Variants in MAP4 observed in about 807,000 individuals in gnomAD.
The protein encoded by MAP4 is microtubule-associated protein 4.
MAP4 carries 76 observed loss-of-function variants against 170.2 expected under a neutral mutation model. The ratio of observed to expected loss-of-function variants is 0.45; its 90% CI spans 0.37 to 0.54. The LOEUF (loss-of-function observed/expected upper bound fraction) is 0.54. Among genes scored for constraint, MAP4 ranks in the 20% least tolerant of loss-of-function variants. The pLI is 0.00. For synonymous variants in MAP4, 909 were observed against 994.5 expected, an observed-to-expected ratio of 0.91 and a Z score of 1.62; for missense variants, 2,506 against 2,748.0, an observed-to-expected ratio of 0.91 and a Z score of 1.97.
At chr3:48,052,392 T>G (rs1260572550) in intron 1 of MAP4, among the ~76,000 whole-genome samples, 1 of 152,180 alleles carries the variant, frequency 6.6e-6, no homozygotes, top group African/African-American at 2.4e-5. Context: ...AGCTAACTTT[T>G]TGTATTCTTA....
intron 10 of MAP4, among the ~76,000 whole-genome samples, chr3:47,885,790 G>A (rs866913400): frequency 1.3e-4 from 19 of 150,020 alleles, no homozygotes; most frequent in African/African-American, 4.4e-4. Flanking sequence ...GTGCAGTGGC[G>A]CCATCTCGGC....
chr3:48,038,351 A>G, intron 1 of MAP4, among the ~76,000 whole-genome samples: 1 of 151,968 alleles, frequency 6.6e-6, no homozygotes, highest in East Asian at 1.9e-4. Flanking sequence ...ATCACCATCC[A>G]TGGCAAAAAA....
chr3:48,032,985 C>T (rs983258564), intron 1 of MAP4, among the ~76,000 whole-genome samples: 1 of 152,170 alleles, frequency 6.6e-6, no homozygotes. Context: ...AACAAAGTAA[C>T]TTGGTGATGT....
intron 2 of MAP4, among the ~76,000 whole-genome samples, chr3:47,985,008 G>T (rs747831925): frequency 6.6e-6 from 1 of 151,656 alleles, no homozygotes; most frequent in African/African-American, 2.4e-5. Context: ...TAGGCTGGGG[G>T]GTGGCTCATG....
chr3:47,941,742 G>A (rs139867707), intron 3 of MAP4, among the ~76,000 whole-genome samples: 209 of 147,926 alleles, frequency 1.4e-3, no homozygotes, highest in Non-Finnish European at 2.5e-3. Context: ...AGCTGAGATC[G>A]TGCCATTGCA....
intron 16 of MAP4, among the ~76,000 whole-genome samples, chr3:47,867,676 C>T (rs1361715527): frequency 1.3e-5 from 2 of 152,232 alleles, no homozygotes; most frequent in Admixed American, 6.5e-5. Context: ...ACAGCCCTAC[C>T]TCCTTGCTCT....
At position 47,855,275 on chromosome 3, in the gene MAP4, G is replaced by C; in HGVS notation, c.6669C>G (p.Gly2223=). ...QAKVGSLDNV[G]HLPAGGAVKT... ...TCACAGCACCTCCTGCAGGTAGGTG[G>C]CCCACATTATCGAGGGATCCCACCT... Residue 2223 remains glycine, a synonymous_variant, in exon 19 of 21, where the codon GGC becomes GGG. Transcript: ENST00000683076. The surrounding 1 kb of genome is among the most constrained non-coding windows in gnomAD (Gnocchi z 5.1). The C allele has an allele frequency of 6.2e-7, 1 of 1,613,952 alleles. No individual in the cohort carries two copies. The highest frequency in any genetic ancestry group is 1.1e-5 in the South Asian group (1 of 91,084).
At chr3:48,073,850 T>A (rs958152863) in intron 1 of MAP4, among the ~76,000 whole-genome samples, 1 of 152,294 alleles carries the variant, frequency 6.6e-6, no homozygotes, top group African/African-American at 2.4e-5. Context: ...TCTTTTACAC[T>A]GTTGGTGGGA....
intron 1 of MAP4, among the ~76,000 whole-genome samples, chr3:48,075,757 C>T (rs187567144): frequency 1.3e-4 from 20 of 150,490 alleles, no homozygotes; most frequent in African/African-American, 4.4e-4. Context: ...GTGAATCACC[C>T]GAGGTCAGGA....
chr3:48,019,040 T>C (rs2100109243), upstream of MAP4, among the ~76,000 whole-genome samples: 1 of 152,190 alleles, frequency 6.6e-6, no homozygotes, highest in Admixed American at 6.6e-5. Flanking sequence ...ATATTCAAGA[T>C]GGTCGACCAG....
At chr3:48,063,984 C>G (rs2100137184) in intron 1 of MAP4, among the ~76,000 whole-genome samples, 1 of 152,156 alleles carries the variant, frequency 6.6e-6, no homozygotes, top group South Asian at 2.1e-4. Context: ...ATCTAACCAA[C>G]TCCATCCTGC....
At chr3:48,070,646 G>C (rs2100140467) in intron 1 of MAP4, among the ~76,000 whole-genome samples, 2 of 151,620 alleles carry the variant, frequency 1.3e-5, no homozygotes, top group African/African-American at 4.8e-5. Flanking sequence ...TGTAGAACAG[G>C]TTGGAAGTGT....
chr3:47,990,012 A>C (rs558119195), intron 2 of MAP4, among the ~76,000 whole-genome samples: 1 of 152,300 alleles, frequency 6.6e-6, no homozygotes, highest in Non-Finnish European at 1.5e-5. Flanking sequence ...ACAGCAGGCA[A>C]ATCAGCTTGG....
intron 3 of MAP4, among the ~76,000 whole-genome samples, chr3:47,930,002 T>A (rs2100048526): frequency 6.6e-6 from 1 of 152,058 alleles, no homozygotes; most frequent in African/African-American, 2.4e-5. Context: ...TGGTGGCCTG[T>A]GCCTGCAGTC....
At chr3:48,036,856 T>C (rs1235928075) in intron 1 of MAP4, among the ~76,000 whole-genome samples, 1 of 152,228 alleles carries the variant, frequency 6.6e-6, no homozygotes, top group Admixed American at 6.5e-5. Flanking sequence ...TCTGACTTTC[T>C]AATGGTGAAT....
intron 1 of MAP4, among the ~76,000 whole-genome samples, chr3:48,074,676 T>TTGTGTGTGTG (rs555691222): frequency 0.016 from 1,417 of 90,522 alleles, 55 homozygotes; most frequent in African/African-American, 0.038. Flanking sequence ...ATCCAGCTAA[T>TTGTGTGTGTG]TGTGTGTGTG....
chr3:48,045,466 G>A (rs747002172), intron 1 of MAP4, among the ~76,000 whole-genome samples: 57 of 151,956 alleles, frequency 3.8e-4, no homozygotes, highest in East Asian at 9.6e-4. Flanking sequence ...CTGTGCATGC[G>A]AGGGCTCTAG....
chr3:47,880,903 T>C (rs1011248676), intron 10 of MAP4, among the ~76,000 whole-genome samples: 4 of 152,240 alleles, frequency 2.6e-5, no homozygotes, highest in African/African-American at 7.2e-5. Context: ...ATTTTGTTGT[T>C]TGATGGCACT....
chr3:47,868,738 G>A (rs1375443903), intron 16 of MAP4, among the ~76,000 whole-genome samples: 1 of 152,124 alleles, frequency 6.6e-6, no homozygotes, highest in Non-Finnish European at 1.5e-5. Flanking sequence ...GAGGTGACCC[G>A]GGGAACCAGG....
Sources: allele counts gnomAD v4.1 joint callset (sites outside exome capture counted in the v4.1 genomes callset), GRCh38; gene constraint gnomAD v4.1.1; non-coding constraint Gnocchi (gnomAD v3.1); transcripts MANE v1.5; gene names NCBI Gene and HGNC (gene_info 2026-07-23, HGNC 2026-07-21).